The following PTPRT variants were observed in gnomAD, a reference collection of about 807,000 sequenced individuals.
PTPRT encodes the protein receptor-type tyrosine-protein phosphatase T.
In PTPRT, 56 loss-of-function variants were observed where a neutral mutation model predicts 176.8. The ratio of observed to expected loss-of-function variants is 0.32; its 90% confidence interval spans 0.26 to 0.40. PTPRT has a LOEUF of 0.40. Among genes scored for constraint, PTPRT ranks in the 10% least tolerant of loss-of-function variants. PTPRT has a pLI of 1.00. For synonymous variants in PTPRT, 783 were observed against 739.0 expected (o/e 1.06, Z -0.96); for missense variants, 1,540 against 1,908.2 (o/e 0.81, Z 3.60).
At chr20:42,813,347 A>T (rs1418413169) in intron 2 of PTPRT, among the ~76,000 whole-genome samples, 1 of 151,854 alleles carries the variant, frequency 6.6e-6, no homozygotes, top group Non-Finnish European at 1.5e-5. Flanking sequence ...GCCCTTGTAT[A>T]TTACAGCCCC....
chr20:42,402,158 G>C (rs2058914851), intron 9 of PTPRT, among the ~76,000 whole-genome samples: 1 of 152,156 alleles, frequency 6.6e-6, no homozygotes, highest in Non-Finnish European at 1.5e-5. Flanking sequence ...GTGGGAGATG[G>C]GGAGAGAAGG....
chr20:42,993,130 A>G (rs1432637369), intron 1 of PTPRT, among the ~76,000 whole-genome samples: 1 of 152,070 alleles, frequency 6.6e-6, no homozygotes, highest in East Asian at 1.9e-4. Context: ...GAAAATATGT[A>G]TTTGGCCTTT....
intron 2 of PTPRT, among the ~76,000 whole-genome samples, chr20:42,859,541 A>G (rs1305251579): frequency 6.7e-6 from 1 of 148,868 alleles, no homozygotes; most frequent in Non-Finnish European, 1.5e-5. Context: ...TTTTTTGCAC[A>G]TATAATGCAC....
intron 6 of PTPRT, among the ~76,000 whole-genome samples, chr20:42,697,743 G>A (rs1233904448): frequency 1.3e-5 from 2 of 152,250 alleles, no homozygotes; most frequent in African/African-American, 4.8e-5. Flanking sequence ...ACAATAAAAT[G>A]AGAAGTGAAT....
At chr20:42,734,010 G>A (rs1436387280) in intron 6 of PTPRT, among the ~76,000 whole-genome samples, 2 of 152,234 alleles carry the variant, frequency 1.3e-5, no homozygotes, top group African/African-American at 4.8e-5. Context: ...CTGAAGCCAT[G>A]TCTCCCAATT....
intron 1 of PTPRT, among the ~76,000 whole-genome samples, chr20:42,946,546 A>G (rs1281822256): frequency 6.6e-6 from 1 of 152,236 alleles, no homozygotes; most frequent in African/African-American, 2.4e-5. Flanking sequence ...CATACATGAC[A>G]GAGGGTCAGA....
At chr20:42,413,692 C>T (rs73906930) in intron 9 of PTPRT, among the ~76,000 whole-genome samples, 4,685 of 152,264 alleles carry the variant, frequency 0.031, 79 homozygotes, top group African/African-American at 0.037. Context: ...CATTTCTGAT[C>T]CTACTGGTTT....
intron 7 of PTPRT, among the ~76,000 whole-genome samples, chr20:42,587,798 G>A (rs371772789): frequency 7.9e-5 from 12 of 152,192 alleles, no homozygotes; most frequent in East Asian, 5.8e-4. Flanking sequence ...TGCCTATCAC[G>A]AGCATCTAGT....
intron 1 of PTPRT, among the ~76,000 whole-genome samples, chr20:43,015,989 C>T (rs1003110386): frequency 1.3e-5 from 2 of 152,038 alleles, no homozygotes; most frequent in African/African-American, 2.4e-5. Flanking sequence ...CGACATGTCC[C>T]CTCTCTCAGA....
intron 15 of PTPRT, among the ~76,000 whole-genome samples, chr20:42,219,257 G>GT (rs941467558): frequency 3.3e-5 from 5 of 152,170 alleles, no homozygotes; most frequent in African/African-American, 9.7e-5. Flanking sequence ...GTCGGTGTTT[G>GT]TTTTTTCAGG....
At chr20:42,469,413 C>T (rs1053165009) in intron 8 of PTPRT, among the ~76,000 whole-genome samples, 10 of 152,108 alleles carry the variant, frequency 6.6e-5, no homozygotes, top group East Asian at 1.9e-4. Flanking sequence ...CCACAGTAGC[C>T]GGGATGGTCT....
chr20:43,025,774 T>G (rs564536725), intron 1 of PTPRT, among the ~76,000 whole-genome samples: 4 of 152,188 alleles, frequency 2.6e-5, no homozygotes, highest in African/African-American at 9.7e-5. Flanking sequence ...ATTCTATTGG[T>G]AACTGTCATG....
At chr20:42,634,003 A>AATAT (rs2074506885) in intron 7 of PTPRT, among the ~76,000 whole-genome samples, 10 of 25,268 alleles carry the variant, frequency 4.0e-4, no homozygotes, top group African/African-American at 1.7e-3. Flanking sequence ...TATATATTAT[A>AATAT]TATATATAAT....
At chr20:42,177,967 T>C (rs1990361929) in intron 16 of PTPRT, among the ~76,000 whole-genome samples, 2 of 151,662 alleles carry the variant, frequency 1.3e-5, no homozygotes, top group African/African-American at 4.8e-5. Flanking sequence ...TCATGGAGTC[T>C]AGCTCTTTCG....
chr20:42,624,564 A>G lies in PTPRT; in HGVS notation c.1153+53302T>C, dbSNP rs181180360. On this transcript the variant is annotated intron_variant, in intron 7 of 30. Transcript: ENST00000373187. ...AGTGTGTCAAAGGCACAAACTATTC[A>G]GAACTGCTTAGGTTGAAATGAGGAT... 2.0e-4 allele frequency among the ~76,000 whole-genome samples: 31 copies of G among 152,364 alleles called. No homozygotes were observed. In the East Asian group the frequency reaches 5.8e-3, roughly 28 times the overall value.
At chr20:42,117,586 G>T (rs1439516399) in intron 21 of PTPRT, among the ~76,000 whole-genome samples, 1 of 152,102 alleles carries the variant, frequency 6.6e-6, no homozygotes, top group African/African-American at 2.4e-5. Context: ...GGTAGCAAAG[G>T]GTTGGATGCT....
chr20:42,384,923 C>A (rs377572109), intron 9 of PTPRT, among the ~76,000 whole-genome samples: 1 of 152,114 alleles, frequency 6.6e-6, no homozygotes, highest in African/African-American at 2.4e-5. Flanking sequence ...TGCCCCCTTT[C>A]CAATCAGGTT....
At chr20:43,031,035 T>C (rs1398896959) in intron 1 of PTPRT, among the ~76,000 whole-genome samples, 2 of 152,156 alleles carry the variant, frequency 1.3e-5, no homozygotes, top group African/African-American at 4.8e-5. Flanking sequence ...ACATAGTCCA[T>C]GGCTGATCAC....
intron 16 of PTPRT, among the ~76,000 whole-genome samples, chr20:42,166,111 A>G (rs1317503699): frequency 6.6e-6 from 1 of 152,256 alleles, no homozygotes; most frequent in Non-Finnish European, 1.5e-5. Flanking sequence ...TCCAGGATTC[A>G]ACAGACACTG....
Sources: allele counts gnomAD v4.1 joint callset (sites outside exome capture counted in the v4.1 genomes callset), GRCh38; gene constraint gnomAD v4.1.1; transcripts MANE v1.5; gene names NCBI Gene and HGNC (gene_info 2026-07-23, HGNC 2026-07-21).